The following RPS6KC1 variants were observed in gnomAD, a reference collection of about 807,000 sequenced individuals.
The protein encoded by RPS6KC1 is inactive ribosomal protein S6 kinase delta-1.
Under a neutral mutation model 103.8 loss-of-function variants are expected in RPS6KC1, and 54 were observed. The observed-to-expected ratio is 0.52, with a 90% CI of 0.42 to 0.65. RPS6KC1 has a LOEUF of 0.65. Ranked by LOEUF, RPS6KC1 falls within the 30% of genes least tolerant of loss-of-function variation. The pLI is 0.00. For missense variants in RPS6KC1, 1,151 were observed against 1,253.8 expected (o/e 0.92, Z 1.24); for synonymous variants, 439 against 438.7 (o/e 1.00, Z -0.01).
At chr1:213,423,824 G>T in the RPS6KC1 span, among the ~76,000 whole-genome samples, 1 of 152,214 alleles carries the variant, frequency 6.6e-6, no homozygotes, top group Non-Finnish European at 1.5e-5. Context: ...GGGGGCATGG[G>T]CTCGGTGAAT....
the RPS6KC1 span, among the ~76,000 whole-genome samples, chr1:213,665,328 A>AAT: frequency 1.3e-5 from 2 of 152,230 alleles, no homozygotes; most frequent in African/African-American, 4.8e-5. Context: ...TCAAATAAGC[A>AAT]ATAAGGGAAA....
chr1:213,142,053 C>T (rs1049989454), intron 6 of RPS6KC1, among the ~76,000 whole-genome samples: 2 of 151,930 alleles, frequency 1.3e-5, no homozygotes, highest in African/African-American at 2.4e-5. Context: ...TCTGGGTGCT[C>T]CATTGTTGGG....
At chr1:213,612,986 G>T in the RPS6KC1 span, among the ~76,000 whole-genome samples, 1 of 152,086 alleles carries the variant, frequency 6.6e-6, no homozygotes, top group Non-Finnish European at 1.5e-5. Flanking sequence ...CTTTCCCTTG[G>T]GATGGTGACT....
chr1:213,275,714 T>A (rs1007564525), downstream of RPS6KC1, among the ~76,000 whole-genome samples: 1 of 152,226 alleles, frequency 6.6e-6, no homozygotes, highest in African/African-American at 2.4e-5. Flanking sequence ...TTATCATTTC[T>A]TTGTGGTGAG....
the RPS6KC1 span, among the ~76,000 whole-genome samples, chr1:213,422,779 C>A: frequency 6.6e-6 from 1 of 152,198 alleles, no homozygotes; most frequent in Non-Finnish European, 1.5e-5. Context: ...AACTGTCCAA[C>A]ACATTGTTTG....
the RPS6KC1 span, among the ~76,000 whole-genome samples, chr1:213,758,500 C>T: frequency 1.2e-4 from 18 of 152,034 alleles, no homozygotes; most frequent in South Asian, 1.2e-3. Context: ...ATCACTTGAA[C>T]CCGGGAGGCG....
chr1:213,851,314 AC>A, the RPS6KC1 span, among the ~76,000 whole-genome samples: 275 of 151,998 alleles, frequency 1.8e-3, 2 homozygotes, highest in African/African-American at 6.5e-3. Context: ...TGTATTAGCA[AC>A]CTCTCCCTCT....
At chr1:213,802,438 G>A in the RPS6KC1 span, among the ~76,000 whole-genome samples, 1 of 152,192 alleles carries the variant, frequency 6.6e-6, no homozygotes, top group African/African-American at 2.4e-5. Context: ...CTCAGTACCA[G>A]TAAGACCTCC....
chr1:213,768,015 G>A, the RPS6KC1 span, among the ~76,000 whole-genome samples: 1 of 152,182 alleles, frequency 6.6e-6, no homozygotes, highest in Non-Finnish European at 1.5e-5. Context: ...CATAGGCATG[G>A]CCTTACTTTT....
the RPS6KC1 span, among the ~76,000 whole-genome samples, chr1:213,286,761 T>C: frequency 2.6e-5 from 4 of 152,306 alleles, no homozygotes; most frequent in East Asian, 7.7e-4. Context: ...CAGTGGTTGG[T>C]AAGATCACAA....
the RPS6KC1 span, among the ~76,000 whole-genome samples, chr1:213,756,008 A>G: frequency 0.021 from 3,206 of 152,226 alleles, 116 homozygotes; most frequent in African/African-American, 0.073. Flanking sequence ...TACTTGGGCC[A>G]ATCACCACCG....
At chr1:213,345,127 G>A in the RPS6KC1 span, among the ~76,000 whole-genome samples, 1 of 152,052 alleles carries the variant, frequency 6.6e-6, no homozygotes, top group Admixed American at 6.6e-5. Context: ...ACTTAATATT[G>A]TAAATACAGT....
the RPS6KC1 span, among the ~76,000 whole-genome samples, chr1:213,290,387 G>A: frequency 1.2e-4 from 18 of 152,212 alleles, no homozygotes; most frequent in Admixed American, 3.3e-4. Context: ...AAATGGATAG[G>A]TAAGACTGAG....
chr1:213,107,380 G>A (rs961301960), intron 4 of RPS6KC1, among the ~76,000 whole-genome samples: 2 of 152,090 alleles, frequency 1.3e-5, no homozygotes. Flanking sequence ...CAAATACATG[G>A]AATTACACAA....
At chr1:213,481,930 G>C in the RPS6KC1 span, among the ~76,000 whole-genome samples, 2 of 152,272 alleles carry the variant, frequency 1.3e-5, no homozygotes, top group South Asian at 4.1e-4. Flanking sequence ...TCCTTGTGGT[G>C]CTGTCCTTGT....
chr1:213,065,833 A>G (rs1395702222), intron 1 of RPS6KC1, among the ~76,000 whole-genome samples: 1 of 152,240 alleles, frequency 6.6e-6, no homozygotes, highest in African/African-American at 2.4e-5. Flanking sequence ...TATGGAAATA[A>G]GTAAACTTCA....
chr1:213,740,781 A>C, the RPS6KC1 span, among the ~76,000 whole-genome samples: 1 of 54,706 alleles, frequency 1.8e-5, no homozygotes, highest in Non-Finnish European at 3.5e-5. Context: ...GTACACATAT[A>C]TACATCTCAG....
chr1:213,766,341 G>A, the RPS6KC1 span, among the ~76,000 whole-genome samples: 1 of 152,174 alleles, frequency 6.6e-6, no homozygotes, highest in African/African-American at 2.4e-5. Flanking sequence ...TGCTCTTCTT[G>A]TATTTGGGTG....
the RPS6KC1 span, among the ~76,000 whole-genome samples, chr1:213,645,977 C>A: frequency 6.6e-6 from 1 of 152,172 alleles, no homozygotes; most frequent in Non-Finnish European, 1.5e-5. Context: ...AACAGTAGCC[C>A]TGGTAACTTG....
Sources: gnomAD v4.1 joint callset for allele counts (sites outside exome capture counted in the v4.1 genomes callset) on GRCh38, gnomAD v4.1.1 for gene constraint, MANE v1.5 for transcripts, NCBI Gene and HGNC (gene_info 2026-07-23, HGNC 2026-07-21) for gene names.